The following VRK2 variants were observed in gnomAD, a reference collection of about 807,000 sequenced individuals.
The protein encoded by VRK2 is serine/threonine-protein kinase VRK2.
Under a neutral mutation model 57.6 loss-of-function variants are expected in VRK2, and 60 were observed. That is an observed-to-expected ratio of 1.04 (90% CI 0.85 to 1.29). The LOEUF (loss-of-function observed/expected upper bound fraction) is 1.29, where lower values mean the gene tolerates loss of function less well. Among genes scored for constraint, VRK2 ranks in the 50% most tolerant of loss-of-function variants. The probability of loss-of-function intolerance (pLI) is 0.00; values close to 1 mark genes in which losing one functional copy is unlikely to be tolerated. For synonymous variants in VRK2, 231 were observed against 199.2 expected (o/e 1.16, Z -1.35); for missense variants, 705 against 588.1 (o/e 1.20, Z -2.06).
At chr2:58,073,378 A>T (rs1033167699) in intron 2 of VRK2, among the ~76,000 whole-genome samples, 5 of 152,074 alleles carry the variant, frequency 3.3e-5, no homozygotes, top group Admixed American at 1.3e-4. Context: ...TGCCTGCTGC[A>T]TCTGTCAATT....
chr2:58,140,790 C>T (rs767013071), intron 11 of VRK2, among the ~76,000 whole-genome samples: 28 of 151,870 alleles, frequency 1.8e-4, no homozygotes, highest in Non-Finnish European at 3.4e-4. Context: ...ACCTTGGCAC[C>T]AGAGCTTTAC....
At chr2:58,127,787 A>C (rs1678587171) in intron 8 of VRK2, among the ~76,000 whole-genome samples, 1 of 152,172 alleles carries the variant, frequency 6.6e-6, no homozygotes, top group South Asian at 2.1e-4. Context: ...AGTTCACTTC[A>C]TTATTTCCTA....
intron 1 of VRK2, among the ~76,000 whole-genome samples, chr2:57,997,661 G>C (rs1672965828): frequency 6.6e-6 from 1 of 152,174 alleles, no homozygotes; most frequent in South Asian, 2.1e-4. Flanking sequence ...CCGGCAGTTT[G>C]GGAAGCTGAA....
At chr2:58,123,933 T>G (rs1319450002) in intron 8 of VRK2, among the ~76,000 whole-genome samples, 1 of 152,110 alleles carries the variant, frequency 6.6e-6, no homozygotes, top group Non-Finnish European at 1.5e-5. Context: ...AGAAGATACA[T>G]CTCTCAGCAG....
intron 7 of VRK2, among the ~76,000 whole-genome samples, chr2:58,101,334 A>T (rs993873789): frequency 2.0e-5 from 3 of 151,682 alleles, no homozygotes; most frequent in Admixed American, 2.0e-4. Flanking sequence ...TCTATTTTAG[A>T]TGGAAATATT....
At chr2:58,155,620 C>G (rs1683688586) in intron 12 of VRK2, among the ~76,000 whole-genome samples, 1 of 152,014 alleles carries the variant, frequency 6.6e-6, no homozygotes, top group South Asian at 2.1e-4. Context: ...GGACGGTCAA[C>G]AGGGCTCTAC....
chr2:57,911,786 C>T (rs1362079966), intron 1 of VRK2, among the ~76,000 whole-genome samples: 1 of 152,092 alleles, frequency 6.6e-6, no homozygotes, highest in Non-Finnish European at 1.5e-5. Context: ...TCAGACCAAA[C>T]CAGACTGAAA....
At chr2:58,087,588 G>A (rs890066155) in intron 5 of VRK2, among the ~76,000 whole-genome samples, 1 of 151,862 alleles carries the variant, frequency 6.6e-6, no homozygotes, top group Non-Finnish European at 1.5e-5. Context: ...AAGGAAAGAA[G>A]GTATGGAAGG....
chr2:58,132,044 T>A, intron 9 of VRK2, 116 bp downstream of exon 9: 1 of 1,298,904 alleles, frequency 7.7e-7, no homozygotes, highest in Non-Finnish European at 1.0e-6. Context: ...CAAAGCAAAT[T>A]TCTTTAGTTT....
At chr2:58,026,889 C>CTT (rs112267313) in intron 2 of VRK2, 13 of 141,914 alleles carry the variant, frequency 9.2e-5, no homozygotes, top group Admixed American at 1.4e-4. Flanking sequence ...TTTTTCTTTT[C>CTT]TTTTTTTTTT....
intron 1 of VRK2, among the ~76,000 whole-genome samples, chr2:57,985,903 A>C (rs1479233095): frequency 2.6e-5 from 4 of 152,174 alleles, no homozygotes; most frequent in African/African-American, 9.6e-5. Context: ...GTAACAATGA[A>C]CAATTGCAAA....
intron 1 of VRK2, among the ~76,000 whole-genome samples, chr2:57,928,075 A>G (rs1670600145): frequency 6.6e-6 from 1 of 152,110 alleles, no homozygotes; most frequent in Admixed American, 6.5e-5. Context: ...GTCTTTCTCT[A>G]GGCTTGGGAA....
intron 7 of VRK2, among the ~76,000 whole-genome samples, chr2:58,106,795 A>G (rs889419288): frequency 1.3e-5 from 2 of 152,110 alleles, no homozygotes; most frequent in Admixed American, 6.6e-5. Flanking sequence ...AAGATAAACT[A>G]TAGTTTTGAA....
upstream of VRK2, among the ~76,000 whole-genome samples, chr2:58,044,064 G>A (rs1351690073): frequency 6.6e-6 from 1 of 152,156 alleles, no homozygotes; most frequent in Non-Finnish European, 1.5e-5. Context: ...TTTAGATTTA[G>A]CTGTATGATC....
intron 1 of VRK2, among the ~76,000 whole-genome samples, chr2:57,923,398 CCT>C (rs1670419947): frequency 2.0e-5 from 3 of 151,914 alleles, no homozygotes. Context: ...TTTGTTATTT[CCT>C]GTTTTTTAGA....
chr2:58,092,673 T>C (rs1422614643), intron 7 of VRK2, among the ~76,000 whole-genome samples: 1 of 152,170 alleles, frequency 6.6e-6, no homozygotes, highest in Non-Finnish European at 1.5e-5. Context: ...GTTTCATTTT[T>C]TTTTCCATAC....
intron 1 of VRK2, among the ~76,000 whole-genome samples, chr2:57,913,823 C>A (rs1339959045): frequency 6.6e-6 from 1 of 151,746 alleles, no homozygotes; most frequent in Non-Finnish European, 1.5e-5. Context: ...AATACTGTTT[C>A]TATATCATAT....
At chr2:58,095,699 T>G (rs1362473058) in intron 7 of VRK2, among the ~76,000 whole-genome samples, 1 of 152,186 alleles carries the variant, frequency 6.6e-6, no homozygotes, top group Non-Finnish European at 1.5e-5. Flanking sequence ...AACTGTCATA[T>G]GCAAGTAGAT....
At chr2:57,933,563 C>T (rs1670809142) in intron 1 of VRK2, among the ~76,000 whole-genome samples, 1 of 151,758 alleles carries the variant, frequency 6.6e-6, no homozygotes, top group African/African-American at 2.4e-5. Context: ...CCACCTCGGC[C>T]TCCCAAAGTG....
Sources: allele counts gnomAD v4.1 joint callset (sites outside exome capture counted in the v4.1 genomes callset), GRCh38; gene constraint gnomAD v4.1.1; transcripts MANE v1.5; gene names NCBI Gene and HGNC (gene_info 2026-07-23, HGNC 2026-07-21).